Variants in TUSC3 observed in about 807,000 individuals in gnomAD.
The protein encoded by TUSC3 is dolichyl-diphosphooligosaccharide--protein glycosyltransferase subunit TUSC3.
TUSC3 carries 45 observed loss-of-function variants against 44.8 expected under a neutral mutation model. The observed-to-expected ratio is 1.00, with a 90% confidence interval of 0.79 to 1.29. TUSC3 has a LOEUF of 1.29. Among genes scored for constraint, TUSC3 ranks in the 50% most tolerant of loss-of-function variants. TUSC3 has a pLI of 0.00. For missense variants in TUSC3, 519 were observed against 437.9 expected (o/e 1.19, Z -1.65); for synonymous variants, 212 against 152.9 (o/e 1.39, Z -2.85).
At chr8:15,679,225 G>A (rs527603814) in intron 6 of TUSC3, among the ~76,000 whole-genome samples, 2 of 152,068 alleles carry the variant, frequency 1.3e-5, no homozygotes, top group Non-Finnish European at 2.9e-5. Context: ...TCCCAGCAGT[G>A]GTGTATAAGC....
intron 2 of TUSC3, among the ~76,000 whole-genome samples, chr8:15,521,275 C>A (rs1001077230): frequency 1.3e-4 from 20 of 152,126 alleles, no homozygotes; most frequent in African/African-American, 4.8e-4. Flanking sequence ...GGCTGGGTAG[C>A]ATGGCCTTGG....
At chr8:15,822,280 T>C in the TUSC3 span, among the ~76,000 whole-genome samples, 1 of 152,164 alleles carries the variant, frequency 6.6e-6, no homozygotes, top group Non-Finnish European at 1.5e-5. Flanking sequence ...TAGCAGAAGA[T>C]ATAAAAATGT....
chr8:15,787,444 A>G, the TUSC3 span, among the ~76,000 whole-genome samples: 1 of 152,186 alleles, frequency 6.6e-6, no homozygotes, highest in East Asian at 1.9e-4. Flanking sequence ...TTTATTCTTG[A>G]TTATTGTATT....
chr8:15,475,563 G>T (rs1309026833), intron 1 of TUSC3, among the ~76,000 whole-genome samples: 1 of 152,112 alleles, frequency 6.6e-6, no homozygotes, highest in Non-Finnish European at 1.5e-5. Context: ...CTGTACAGAT[G>T]CTGTCACTTC....
chr8:15,488,507 T>C (rs1255336318), intron 2 of TUSC3, among the ~76,000 whole-genome samples: 1 of 151,924 alleles, frequency 6.6e-6, no homozygotes, highest in Non-Finnish European at 1.5e-5. Context: ...CTCTCAAAAA[T>C]AAACTGTTTT....
intron 1 of TUSC3, among the ~76,000 whole-genome samples, chr8:15,430,710 G>A (rs1379699498): frequency 6.6e-6 from 1 of 151,634 alleles, no homozygotes; most frequent in Admixed American, 6.6e-5. Flanking sequence ...CAGATGACAT[G>A]CTTGTATATC....
At position 15,738,837 on chromosome 8, in the gene TUSC3, T is replaced by TCTTTC. The variant is rs796196956; in HGVS notation, c.863-4701_863-4700insCTTTC. Among the ~76,000 whole-genome samples the TCTTTC allele has an allele frequency of 5.3e-4, 62 of 116,632 alleles. 1 individual carries two copies. The highest frequency in any genetic ancestry group is 1.1e-3 in the South Asian group (4 of 3,574). The allele number at this position is 116,632 out of a possible 152,430, so 76.5% of individuals were successfully genotyped here. On this transcript the variant is annotated intron_variant, in intron 7 of 10. Coordinates refer to ENST00000503731, the MANE Select transcript of TUSC3 (RefSeq NM_006765.4). ...TATTAATATATCTTGCTTTTTTTTT[T>TCTTTC]TTTTTTTTTTTTTGAGAGGGAGTCT... is the stretch of plus-strand genomic sequence containing the variant.
At chr8:15,621,175 A>G (rs1805228520) in intron 1 of TUSC3, among the ~76,000 whole-genome samples, 1 of 151,884 alleles carries the variant, frequency 6.6e-6, no homozygotes, top group South Asian at 2.1e-4. Flanking sequence ...AAATATTTAT[A>G]TAGTTTTTAT....
intron 6 of TUSC3, among the ~76,000 whole-genome samples, chr8:15,707,912 A>G (rs1453045635): frequency 6.6e-6 from 1 of 151,898 alleles, no homozygotes; most frequent in African/African-American, 2.4e-5. Context: ...CTTAGGTTCT[A>G]GTAGTTGCTG....
At chr8:15,594,523 G>C (rs1305483239) in intron 1 of TUSC3, among the ~76,000 whole-genome samples, 7 of 152,120 alleles carry the variant, frequency 4.6e-5, no homozygotes, top group African/African-American at 1.4e-4. Context: ...GGTTTGTTCT[G>C]GCTGTGATGC....
chr8:15,646,272 C>T (rs1448331648), intron 2 of TUSC3, among the ~76,000 whole-genome samples: 1 of 152,094 alleles, frequency 6.6e-6, no homozygotes, highest in African/African-American at 2.4e-5. Context: ...GTTCGTGAAA[C>T]ACAGACTATT....
intron 7 of TUSC3, among the ~76,000 whole-genome samples, chr8:15,739,851 G>GCAT (rs1183192351): frequency 4.6e-5 from 7 of 151,786 alleles, no homozygotes; most frequent in Non-Finnish European, 1.0e-4. Context: ...TTTTTGCTTT[G>GCAT]CATCTTTCAC....
chr8:15,454,522 A>G (rs1056837478), intron 1 of TUSC3, among the ~76,000 whole-genome samples: 9 of 152,214 alleles, frequency 5.9e-5, no homozygotes, highest in African/African-American at 2.2e-4. Flanking sequence ...TCTGTCACGT[A>G]TTAATGTTCC....
At chr8:15,512,228 A>C (rs1335361630) in intron 2 of TUSC3, among the ~76,000 whole-genome samples, 1 of 152,182 alleles carries the variant, frequency 6.6e-6, no homozygotes, top group Non-Finnish European at 1.5e-5. Flanking sequence ...TTTTTAGATG[A>C]GATTAACAAT....
At chr8:15,807,358 A>G in the TUSC3 span, 1 of 370,868 alleles carries the variant, frequency 2.7e-6, no homozygotes, top group East Asian at 6.1e-5. Flanking sequence ...CAACCACAAC[A>G]ACAACAACAA....
rs887008553 is a variant in TUSC3, at chr8:15,765,789, T to C, written c.*1633T>C. 1 of 152,078 alleles carries C rather than the reference T, an allele frequency of 6.6e-6. No individual in the cohort carries two copies. Among genetic ancestry groups the C allele is most frequent in the Non-Finnish European group, 1.5e-5 (1 of 67,970 alleles). 9.4% of individuals were successfully genotyped at this position (152,078 alleles called of 1,614,324 possible). A position where few individuals can be genotyped will look rare whatever the true frequency, so the allele number is the denominator to read the frequency against. On this transcript the variant is annotated 3_prime_UTR_variant, in exon 11 of 11. Coordinates refer to ENST00000503731, the MANE Select transcript of TUSC3 (RefSeq NM_006765.4). ...TAATCATTTGATCACTGCCTATCAC[T>C]AGGCAGAACTTGACCTGTAATTCTT...
At chr8:15,816,303 C>G in the TUSC3 span, among the ~76,000 whole-genome samples, 1 of 152,054 alleles carries the variant, frequency 6.6e-6, no homozygotes, top group Non-Finnish European at 1.5e-5. Context: ...GTTGGGCCAT[C>G]CATTGCATGA....
intron 2 of TUSC3, among the ~76,000 whole-genome samples, chr8:15,499,747 T>C (rs1800933242): frequency 6.6e-6 from 1 of 152,182 alleles, no homozygotes; most frequent in South Asian, 2.1e-4. Context: ...TCTGCCTATC[T>C]TTGAGCTGAG....
At chr8:15,602,831 C>T (rs1421472833) in intron 1 of TUSC3, among the ~76,000 whole-genome samples, 1 of 150,060 alleles carries the variant, frequency 6.7e-6, no homozygotes, top group Non-Finnish European at 1.5e-5. Flanking sequence ...TCCTTTTATA[C>T]AAAGAAAAAA....
Sources: allele counts gnomAD v4.1 joint callset (sites outside exome capture counted in the v4.1 genomes callset), GRCh38; gene constraint gnomAD v4.1.1; transcripts MANE v1.5; gene names NCBI Gene and HGNC (gene_info 2026-07-23, HGNC 2026-07-21).